Variants in TUSC2 observed in about 807,000 individuals in gnomAD.
The protein encoded by TUSC2 is tumor suppressor candidate 2.
A neutral mutation model predicts 11.5 loss-of-function variants in TUSC2; 7 were observed. The observed-to-expected ratio is 0.61, with a 90% CI of 0.35 to 1.14. The LOEUF (loss-of-function observed/expected upper bound fraction) is 1.14, where lower values mean the gene tolerates loss of function less well. Among genes scored for constraint, TUSC2 ranks in the 50% most tolerant of loss-of-function variants. TUSC2 has a pLI of 0.03. For synonymous variants in TUSC2, 61 were observed against 64.1 expected (o/e 0.95, Z 0.23); for missense variants, 132 against 155.0 (o/e 0.85, Z 0.79).
chr3:50,327,904 G>A (rs1575535711), intron 1 of TUSC2, 50 bp downstream of exon 1: 1 of 1,381,818 alleles, frequency 7.2e-7, no homozygotes, highest in Non-Finnish European at 9.4e-7. Context: ...GGCGCGGGAC[G>A]CCTGGCCGCC....
Position 50,325,808 on chromosome 3 carries a change from G to A in TUSC2, c.*313C>T, listed in dbSNP as rs1391358877. 1 of 419,096 alleles carries A rather than the reference G, an allele frequency of 2.4e-6. No homozygotes were observed. The highest frequency in any genetic ancestry group is 2.0e-5 in the African/African-American group (1 of 50,522). The allele number at this position is 419,096 out of a possible 1,614,324, so 26.0% of individuals were successfully genotyped here. On this transcript the variant is annotated 3_prime_UTR_variant, in exon 3 of 3. Transcript: ENST00000232496. This position sits in a 1 kb window ranked among gnomAD's most constrained non-coding sequence, Gnocchi z 5.1. ...GGCAAACTTGGAAGAAAGCAGACCA[G>A]GCAAGGAACCAGGTAACGGGCATTC...
rs2109331721 is a variant in TUSC2 at position 50,328,149 on chromosome 3, G to T, written c.-50C>A. Reference sequence around the variant, plus strand: ...GCCCCGTGGCCGCTCTGCTCACACCGCAGTCCGCACTACCATAACCTGCCC... The same window carrying T: ...GCCCCGTGGCCGCTCTGCTCACACCTCAGTCCGCACTACCATAACCTGCCC... On this transcript the variant is annotated 5_prime_UTR_variant, in exon 1 of 3. Transcript: ENST00000232496. 7.5e-7 allele frequency: 1 copy of T among 1,341,920 alleles called. No homozygotes were observed. The highest frequency in any genetic ancestry group is 1.5e-5 in the African/African-American group (1 of 64,992). 83.1% of individuals were successfully genotyped at this position (1,341,920 alleles called of 1,614,324 possible).
rs1159675529 is a variant in TUSC2, at chr3:50,325,111, G to A, written c.*1010C>T. 6.6e-6 allele frequency: 1 copy of A among 152,206 alleles called. No individual in the cohort carries two copies. Among genetic ancestry groups the A allele is most frequent in the African/African-American group, 2.4e-5 (1 of 41,248 alleles). The allele number at this position is 152,206 out of a possible 1,614,324, so 9.4% of individuals were successfully genotyped here. ...CTATTTACAAACCTTCACATTATAAGTATTCCTTTTATGGTTTTTCCCTCC... is the reference window on the plus strand; with the variant it reads ...CTATTTACAAACCTTCACATTATAAATATTCCTTTTATGGTTTTTCCCTCC... On this transcript the variant is annotated 3_prime_UTR_variant, in exon 3 of 3. Coordinates refer to ENST00000232496, the MANE Select transcript of TUSC2 (RefSeq NM_007275.3). This position sits in a 1 kb window ranked among gnomAD's most constrained non-coding sequence, Gnocchi z 5.1.
intron 2 of TUSC2, 36 bp from the exon 3 acceptor site, chr3:50,326,222 A>G (rs1553717379): frequency 1.2e-6 from 2 of 1,607,486 alleles, no homozygotes. Context: ...GGGTCAGCTC[A>G]GGGCCTCTAC....
At position 50,325,820 on chromosome 3, in the gene TUSC2, G is replaced by A; in HGVS notation, c.*301C>T. On this transcript the variant is annotated 3_prime_UTR_variant, in exon 3 of 3. Transcript: ENST00000232496. The surrounding 1 kb of genome is among the most constrained non-coding windows in gnomAD (Gnocchi z 5.1). Reference sequence around the variant, plus strand: ...AGAAAGCAGACCAGGCAAGGAACCAGGTAACGGGCATTCCTGACTGGTATA... The same window carrying A: ...AGAAAGCAGACCAGGCAAGGAACCAAGTAACGGGCATTCCTGACTGGTATA... 2.2e-6 allele frequency: 1 copy of A among 448,292 alleles called. No homozygotes were observed. Among genetic ancestry groups the A allele is most frequent in the South Asian group, 3.0e-5 (1 of 33,512 alleles). 27.8% of individuals were successfully genotyped at this position (448,292 alleles called of 1,614,324 possible).
At chr3:50,326,605 G>A in intron 1 of TUSC2, 128 bp from the exon 2 acceptor site, 1 of 1,393,064 alleles carries the variant, frequency 7.2e-7, no homozygotes, top group Non-Finnish European at 9.6e-7. Context: ...TAATATGCCT[G>A]GAGAATCCTT....
Position 50,325,664 on chromosome 3 carries a change from T to G in TUSC2, c.*457A>C. On this transcript the variant is annotated 3_prime_UTR_variant, in exon 3 of 3. Coordinates refer to ENST00000232496, the MANE Select transcript of TUSC2 (RefSeq NM_007275.3). The surrounding 1 kb of genome is among the most constrained non-coding windows in gnomAD (Gnocchi z 5.1). ...ACGGCTGAAATGCTCTGACTAGGGG[T>G]TAAAAGGGAAGTGAAGGAAAGGAAG... 1 of 164,964 alleles carries G rather than the reference T, an allele frequency of 6.1e-6. No individual in the cohort carries two copies. Among genetic ancestry groups the G allele is most frequent in the South Asian group, 1.5e-4 (1 of 6,522 alleles). The allele number at this position is 164,964 out of a possible 1,614,324, so 10.2% of individuals were successfully genotyped here.
At position 50,326,487 on chromosome 3, in the gene TUSC2, G is replaced by A; in HGVS notation, c.147-10C>T. The A allele has an allele frequency of 2.5e-6, 4 of 1,613,034 alleles. No homozygotes were observed. Among genetic ancestry groups the A allele is most frequent in the African/African-American group, 2.7e-5 (2 of 74,920 alleles). On this transcript the variant is annotated splice_polypyrimidine_tract_variant and intron_variant, in intron 1 of 2. Coordinates refer to ENST00000232496, the MANE Select transcript of TUSC2 (RefSeq NM_007275.3). ...ATCATAGAACATAGAGCTGTGTAGA[G>A]GGAGAAGGAAACAGGCTGGGCTGGA...
intron 1 of TUSC2, chr3:50,327,262 C>T (rs1553717501): frequency 4.4e-6 from 2 of 456,434 alleles, no homozygotes; most frequent in Non-Finnish European, 8.8e-6. Context: ...CTGCGTCTCC[C>T]CTGACCCCAC....
rs587651938 is a variant in TUSC2, at chr3:50,325,970, A to G, written c.*151T>C. ...ACCAACACCCAACCAATACTGTGGG[A>G]CCGACCCGCTCACAGCTGAAGGTTA... On this transcript the variant is annotated 3_prime_UTR_variant, in exon 3 of 3. Coordinates refer to ENST00000232496, the MANE Select transcript of TUSC2 (RefSeq NM_007275.3). The surrounding 1 kb of genome is among the most constrained non-coding windows in gnomAD (Gnocchi z 5.1). 41 of 957,678 alleles carry G rather than the reference A, an allele frequency of 4.3e-5. No individual in the cohort carries two copies. The East Asian group carries it at 1.0e-3, about 24-fold the overall frequency. 59.3% of individuals were successfully genotyped at this position (957,678 alleles called of 1,614,324 possible).
intron 1 of TUSC2, chr3:50,327,274 C>T (rs1575535433): frequency 2.2e-6 from 1 of 456,132 alleles, no homozygotes; most frequent in South Asian, 1.5e-5. Context: ...TGACCCCACA[C>T]CCCAGGTGGC....
chr3:50,326,486 A>G lies in TUSC2; in HGVS notation c.147-9T>C. The stretch of plus-strand genomic sequence containing the variant: ...CATCATAGAACATAGAGCTGTGTAG[A>G]GGGAGAAGGAAACAGGCTGGGCTGG... On this transcript the variant is annotated splice_polypyrimidine_tract_variant and intron_variant, in intron 1 of 2. Coordinates refer to ENST00000232496, the MANE Select transcript of TUSC2 (RefSeq NM_007275.3). The G allele has an allele frequency of 1.2e-6, 2 of 1,613,206 alleles. No individual in the cohort carries two copies.
At chr3:50,327,919 T>C in intron 1 of TUSC2, 35 bp downstream of exon 1, 1 of 1,409,532 alleles carries the variant, frequency 7.1e-7, no homozygotes, top group Non-Finnish European at 9.3e-7. Context: ...GCCGCCCGCC[T>C]GTTCCCCCCG....
chr3:50,328,209 T>G lies in TUSC2; in HGVS notation c.-110A>C. Reference sequence around the variant, plus strand: ...ATCGCAGGTGCCGCCGCCGCCGCCTTCCGCAGGCTCGGCTGTCTCCACGGA... The same window carrying G: ...ATCGCAGGTGCCGCCGCCGCCGCCTGCCGCAGGCTCGGCTGTCTCCACGGA... On this transcript the variant is annotated 5_prime_UTR_variant, in exon 1 of 3. Transcript: ENST00000232496. The G allele has an allele frequency of 8.1e-7, 1 of 1,233,934 alleles. No individual in the cohort carries two copies. The highest frequency in any genetic ancestry group is 2.2e-5 in the South Asian group (1 of 45,838). 76.4% of individuals were successfully genotyped at this position (1,233,934 alleles called of 1,614,324 possible). A position where few individuals can be genotyped will look rare whatever the true frequency, so the allele number is the denominator to read the frequency against.
At chr3:50,326,867 C>T (rs1187810388) in intron 1 of TUSC2, among the ~76,000 whole-genome samples, 1 of 152,152 alleles carries the variant, frequency 6.6e-6, no homozygotes, top group African/African-American at 2.4e-5. Flanking sequence ...ATCCACTCGT[C>T]TTCATCTCCC....
intron 1 of TUSC2, 144 bp downstream of exon 1, chr3:50,327,810 C>T (rs1325698037): frequency 3.2e-6 from 4 of 1,245,690 alleles, no homozygotes; most frequent in African/African-American, 1.6e-5. Flanking sequence ...CCGGCTTTCT[C>T]CACCCCCAGC....
chr3:50,325,605 C>A lies in TUSC2; in HGVS notation c.*516G>T. 6.4e-6 allele frequency: 1 copy of A among 156,380 alleles called. No individual in the cohort carries two copies. The highest frequency in any genetic ancestry group is 1.9e-4 in the East Asian group (1 of 5,326). The allele number at this position is 156,380 out of a possible 1,614,324, so 9.7% of individuals were successfully genotyped here. ...AGAATCAGGCTGGCACTGCCCCCAG[C>A]CTCTGTCCAACACAGGAGGAATCGA... On this transcript the variant is annotated 3_prime_UTR_variant, in exon 3 of 3. Coordinates refer to ENST00000232496, the MANE Select transcript of TUSC2 (RefSeq NM_007275.3). This position sits in a 1 kb window ranked among gnomAD's most constrained non-coding sequence, Gnocchi z 5.1.
chr3:50,325,769 A>G lies in TUSC2; in HGVS notation c.*352T>C, dbSNP rs1247196741. 8.6e-6 allele frequency: 3 copies of G among 347,000 alleles called. No individual in the cohort carries two copies. The highest frequency in any genetic ancestry group is 1.6e-5 in the Non-Finnish European group (3 of 184,412). 21.5% of individuals were successfully genotyped at this position (347,000 alleles called of 1,614,324 possible). Reference sequence around the variant, plus strand: ...CTTGTAAAGTGCTGTAGCCTCTAGCAGGGCTAGGCCCCAGGCAAACTTGGA... The same window carrying G: ...CTTGTAAAGTGCTGTAGCCTCTAGCGGGGCTAGGCCCCAGGCAAACTTGGA... On this transcript the variant is annotated 3_prime_UTR_variant, in exon 3 of 3. Transcript: ENST00000232496. The surrounding 1 kb of genome is among the most constrained non-coding windows in gnomAD (Gnocchi z 5.1).
chr3:50,326,612 CCTTT>C, intron 1 of TUSC2, 135 bp from the exon 2 acceptor site: 1 of 1,364,912 alleles, frequency 7.3e-7, no homozygotes, highest in South Asian at 1.5e-5. Context: ...CCTGGAGAAT[CCTTT>C]TTTTAAAAAA....
Sources: allele counts gnomAD v4.1 joint callset (sites outside exome capture counted in the v4.1 genomes callset), GRCh38; gene constraint gnomAD v4.1.1; non-coding constraint Gnocchi (gnomAD v3.1); transcripts MANE v1.5; gene names NCBI Gene and HGNC (gene_info 2026-07-23, HGNC 2026-07-21).